Variants in SPHKAP observed in about 807,000 individuals in gnomAD.
The protein encoded by SPHKAP is A-kinase anchor protein SPHKAP.
Under a neutral mutation model 137.5 loss-of-function variants are expected in SPHKAP, and 67 were observed. The observed-to-expected ratio is 0.49, with a 90% CI of 0.40 to 0.60. SPHKAP has a LOEUF of 0.60. Among genes scored for constraint, SPHKAP ranks in the 20% least tolerant of loss-of-function variants. The probability of loss-of-function intolerance (pLI) is 0.00; values close to 1 mark genes in which losing one functional copy is unlikely to be tolerated. For synonymous variants in SPHKAP, 813 were observed against 785.3 expected (o/e 1.04, Z -0.59); for missense variants, 2,097 against 2,069.3 (o/e 1.01, Z -0.26).
intron 3 of SPHKAP, among the ~76,000 whole-genome samples, chr2:228,100,101 C>T (rs539106956): frequency 3.0e-4 from 46 of 152,032 alleles, no homozygotes; most frequent in Non-Finnish European, 6.0e-4. Context: ...CCACCCGCCT[C>T]GGCCTCCCAA....
chr2:228,096,090 A>G (rs1286601839), intron 3 of SPHKAP, among the ~76,000 whole-genome samples: 1 of 152,166 alleles, frequency 6.6e-6, no homozygotes, highest in East Asian at 1.9e-4. Flanking sequence ...GCAAGAACTT[A>G]TGGGGCAGCA....
chr2:228,128,808 A>C (rs1017159384), intron 2 of SPHKAP, among the ~76,000 whole-genome samples: 1 of 152,170 alleles, frequency 6.6e-6, no homozygotes, highest in Non-Finnish European at 1.5e-5. Flanking sequence ...ATGAGCAGTA[A>C]TATATTTTGA....
At chr2:228,091,044 C>T (rs919677747) in intron 3 of SPHKAP, among the ~76,000 whole-genome samples, 9 of 151,924 alleles carry the variant, frequency 5.9e-5, no homozygotes, top group Non-Finnish European at 1.2e-4. Flanking sequence ...AGTAAACAGT[C>T]CAATCAAAAG....
intron 11 of SPHKAP, among the ~76,000 whole-genome samples, chr2:227,988,058 T>C (rs773604523): frequency 1.3e-5 from 2 of 152,176 alleles, no homozygotes; most frequent in Non-Finnish European, 2.9e-5. Context: ...GAAGACGAGC[T>C]CTCTTTCGTA....
intron 1 of SPHKAP, among the ~76,000 whole-genome samples, chr2:228,141,741 G>A (rs1699613718): frequency 6.6e-6 from 1 of 151,932 alleles, no homozygotes; most frequent in Non-Finnish European, 1.5e-5. Flanking sequence ...AATTATCATG[G>A]GAAAATATTG....
intron 11 of SPHKAP, among the ~76,000 whole-genome samples, chr2:227,983,904 T>G (rs1357969145): frequency 6.6e-6 from 1 of 152,002 alleles, no homozygotes; most frequent in Non-Finnish European, 1.5e-5. Context: ...ACGTGGTGAC[T>G]GAGTGGGAAT....
rs560664466 is a variant in SPHKAP at position 228,092,691 on chromosome 2, G to GTA, written c.246+16139_246+16140dup. On this transcript the variant is annotated intron_variant, in intron 3 of 11. Transcript: ENST00000392056. ...ATATACATGTGCCATGTATATACGT[G>GTA]TATATATATATGTATATATATAACA... Among the ~76,000 whole-genome samples, 700 of 147,460 alleles carry GTA rather than the reference G, an allele frequency of 4.7e-3. 13 individuals carry two copies. The highest frequency in any genetic ancestry group is 0.016 in the African/African-American group (646 of 39,442).
Position 228,056,532 on chromosome 2 carries a change from A to G in SPHKAP, c.247-28989T>C, listed in dbSNP as rs1696450031. Among the ~76,000 whole-genome samples, 5 of 151,984 alleles carry G rather than the reference A, an allele frequency of 3.3e-5. No homozygotes were observed. The South Asian group carries it at 1.0e-3, about 32-fold the overall frequency. ...ATTCTTTCTGACTTGAGAGGTTCTT[A>G]AGTGTTTCTTTTTCAGTTCAAAATC... On this transcript the variant is annotated intron_variant, in intron 3 of 11. Transcript: ENST00000392056.
chr2:228,107,998 A>T (rs1245369108), intron 3 of SPHKAP, among the ~76,000 whole-genome samples: 1 of 152,184 alleles, frequency 6.6e-6, no homozygotes, highest in Non-Finnish European at 1.5e-5. Flanking sequence ...CTCATTATAT[A>T]TAAAAAGCCT....
chr2:228,180,682 G>T (rs547799728), intron 1 of SPHKAP, among the ~76,000 whole-genome samples: 64 of 152,338 alleles, frequency 4.2e-4, no homozygotes, highest in African/African-American at 1.4e-3. Context: ...AGCGCTCCGC[G>T]CCCAGCGAGC....
chr2:228,001,270 AATATATCTATAC>A (rs1346764978), intron 7 of SPHKAP, among the ~76,000 whole-genome samples: 3 of 103,772 alleles, frequency 2.9e-5, no homozygotes, highest in African/African-American at 3.8e-5. Flanking sequence ...CACATATATA[AATATATCTATAC>A]ATATATCTAT....
intron 3 of SPHKAP, among the ~76,000 whole-genome samples, chr2:228,030,513 C>CAAAAAAAAAAAAAAAAAAAACAAAAA (rs11287311): frequency 6.2e-5 from 3 of 48,776 alleles, no homozygotes; most frequent in Non-Finnish European, 1.2e-4. Context: ...GATACCATCT[C>CAAAAAAAAAAAAAAAAAAAACAAAAA]AAAAAAAAAA....
At chr2:228,129,243 C>T (rs556941297) in intron 2 of SPHKAP, among the ~76,000 whole-genome samples, 68 of 152,240 alleles carry the variant, frequency 4.5e-4, no homozygotes, top group Non-Finnish European at 6.9e-4. Context: ...TAAGTGAGCA[C>T]GTTCTGTTGG....
chr2:227,985,372 G>A (rs967609675), intron 11 of SPHKAP, among the ~76,000 whole-genome samples: 1 of 152,062 alleles, frequency 6.6e-6, no homozygotes, highest in East Asian at 1.9e-4. Context: ...ATTAAAAAAA[G>A]GTAAGAATGA....
At chr2:228,114,244 T>C (rs1295151429) in intron 2 of SPHKAP, among the ~76,000 whole-genome samples, 1 of 152,184 alleles carries the variant, frequency 6.6e-6, no homozygotes, top group East Asian at 1.9e-4. Context: ...GTTCAGCAAA[T>C]AAGGTTAGGA....
chr2:228,030,120 G>A (rs1695224538), intron 3 of SPHKAP, among the ~76,000 whole-genome samples: 1 of 152,164 alleles, frequency 6.6e-6, no homozygotes, highest in Admixed American at 6.5e-5. Flanking sequence ...CCAACTTCTT[G>A]CTTATACTTC....
chr2:228,047,495 TG>T (rs1159677932), intron 3 of SPHKAP, among the ~76,000 whole-genome samples: 5 of 150,624 alleles, frequency 3.3e-5, no homozygotes, highest in African/African-American at 9.8e-5. Flanking sequence ...AAAAACAACC[TG>T]GTTCAACTCT....
intron 6 of SPHKAP, among the ~76,000 whole-genome samples, 199 bp downstream of exon 6, chr2:228,021,512 A>G (rs910465244): frequency 1.3e-5 from 2 of 152,188 alleles, no homozygotes; most frequent in African/African-American, 4.8e-5. Flanking sequence ...GATCCATCCA[A>G]CCATTAAGTC....
chr2:228,030,543 C>CAAAAAACA (rs1695263832), intron 3 of SPHKAP, among the ~76,000 whole-genome samples: 1 of 78,726 alleles, frequency 1.3e-5, no homozygotes, highest in Non-Finnish European at 2.4e-5. Flanking sequence ...CAACAAAAAA[C>CAAAAAACA]AAAAAAAAAA....
Sources: allele counts gnomAD v4.1 joint callset (sites outside exome capture counted in the v4.1 genomes callset), GRCh38; gene constraint gnomAD v4.1.1; transcripts MANE v1.5; gene names NCBI Gene and HGNC (gene_info 2026-07-23, HGNC 2026-07-21).